The following RIN3 variants were observed in gnomAD, a reference collection of about 807,000 sequenced individuals.
RIN3 encodes Ras and Rab interactor 3.
Under a neutral mutation model 76.3 loss-of-function variants are expected in RIN3, and 54 were observed. The ratio of observed to expected loss-of-function variants is 0.71; its 90% CI spans 0.57 to 0.89. The LOEUF is 0.89. RIN3 is among the 40% of genes least tolerant of loss of function. The pLI, the probability that RIN3 is intolerant of heterozygous loss-of-function variation, is 0.00. For missense variants in RIN3, 1,256 were observed against 1,322.1 expected (o/e 0.95, Z 0.78); for synonymous variants, 576 against 564.0 (o/e 1.02, Z -0.30).
In RIN3 at chr14:92,531,562, G is replaced by A. The variant is rs185229042; in HGVS notation, c.44+17586G>A. The stretch of plus-strand genomic sequence containing the variant: ...TGGCAGGCGGCCCCTGTCAAGAAGC[G>A]TCAGGACTGTAGTCGGCCTGGGGTG... On this transcript the variant is annotated intron_variant, in intron 1 of 9. Transcript: ENST00000216487. Among the ~76,000 whole-genome samples, 75 of 152,348 alleles carry A rather than the reference G, an allele frequency of 4.9e-4. 1 individual carries two copies. The South Asian group carries it at 0.01, about 21-fold the overall frequency.
intron 1 of RIN3, among the ~76,000 whole-genome samples, chr14:92,525,129 G>A (rs947297518): frequency 1.3e-5 from 2 of 152,218 alleles, no homozygotes; most frequent in Admixed American, 6.5e-5. Flanking sequence ...GTCATGGTAG[G>A]TGTGTATGGG....
intron 4 of RIN3, chr14:92,615,753 G>A (rs552538113): frequency 2.2e-6 from 1 of 445,276 alleles, no homozygotes; most frequent in African/African-American, 2.0e-5. Flanking sequence ...TTCAAGGACA[G>A]CCTGGAGTCC....
intron 1 of RIN3, among the ~76,000 whole-genome samples, chr14:92,555,350 G>C (rs1897546832): frequency 6.6e-6 from 1 of 151,876 alleles, no homozygotes; most frequent in African/African-American, 2.4e-5. Context: ...TCAAGTCTTG[G>C]GTCTCACAGA....
chr14:92,530,443 G>T (rs192449062), intron 1 of RIN3, among the ~76,000 whole-genome samples: 1 of 152,338 alleles, frequency 6.6e-6, no homozygotes, highest in African/African-American at 2.4e-5. Context: ...CACTTTCACA[G>T]ATTTGACACT....
At chr14:92,608,019 G>T (rs191467980) in intron 3 of RIN3, among the ~76,000 whole-genome samples, 1 of 152,314 alleles carries the variant, frequency 6.6e-6, no homozygotes, top group East Asian at 1.9e-4. Flanking sequence ...TGATGGGGAG[G>T]GGGTAGATGT....
At chr14:92,659,606 G>A in intron 7 of RIN3, 137 bp downstream of exon 7, 3 of 765,976 alleles carry the variant, frequency 3.9e-6, no homozygotes, top group Non-Finnish European at 6.0e-6. Flanking sequence ...GAGGAACTGA[G>A]TGTGGGTGGG....
chr14:92,538,508 A>G (rs1245021323), intron 1 of RIN3, among the ~76,000 whole-genome samples: 2 of 152,170 alleles, frequency 1.3e-5, no homozygotes, highest in Admixed American at 1.3e-4. Flanking sequence ...TTTGGGGGAG[A>G]CCAGCATGTT....
chr14:92,662,724 C>T (rs1229020701), intron 7 of RIN3, among the ~76,000 whole-genome samples: 8 of 152,188 alleles, frequency 5.3e-5, no homozygotes, highest in Admixed American at 3.9e-4. Flanking sequence ...GACAGCTTTG[C>T]GCTGGAAGGG....
rs2140183384 is a variant in RIN3, at chr14:92,688,334, A to G, written c.*82A>G. The G allele has an allele frequency of 7.6e-7, 1 of 1,322,178 alleles. No individual in the cohort carries two copies. The highest frequency in any genetic ancestry group is 1.0e-6 in the Non-Finnish European group (1 of 991,118). 81.9% of individuals were successfully genotyped at this position (1,322,178 alleles called of 1,614,324 possible). On this transcript the variant is annotated 3_prime_UTR_variant, in exon 10 of 10. Transcript: ENST00000216487. ...CTGCGCACTCCCGACCGCGACGTCC[A>G]CGCAGCAGAGGGACATGGGCCATTC...
intron 4 of RIN3, among the ~76,000 whole-genome samples, chr14:92,638,368 G>A (rs1466066637): frequency 4.6e-5 from 7 of 152,196 alleles, no homozygotes; most frequent in Non-Finnish European, 8.8e-5. Context: ...TGTGGAGGGC[G>A]GATGTTGGGG....
intron 3 of RIN3, among the ~76,000 whole-genome samples, chr14:92,581,306 G>C (rs1041606532): frequency 2.0e-5 from 3 of 152,174 alleles, no homozygotes; most frequent in Non-Finnish European, 2.9e-5. Context: ...GTACAGACCT[G>C]TCTCTTACTA....
At chr14:92,607,371 T>C (rs1885563931) in intron 3 of RIN3, among the ~76,000 whole-genome samples, 1 of 152,248 alleles carries the variant, frequency 6.6e-6, no homozygotes, top group Non-Finnish European at 1.5e-5. Context: ...AGGCTGGACA[T>C]GGCAGCTCAT....
intron 2 of RIN3, among the ~76,000 whole-genome samples, chr14:92,569,445 G>A (rs1379635164): frequency 2.6e-5 from 4 of 152,144 alleles, no homozygotes; most frequent in Admixed American, 6.5e-5. Context: ...ACAAGAACAC[G>A]GAGGCTCAGA....
At chr14:92,547,473 C>T (rs1897317046) in intron 1 of RIN3, among the ~76,000 whole-genome samples, 1 of 149,764 alleles carries the variant, frequency 6.7e-6, no homozygotes, top group Admixed American at 6.7e-5. Flanking sequence ...CAGCTCACTG[C>T]AGCCTTAACC....
chr14:92,517,402 G>A (rs1896472050), intron 1 of RIN3, among the ~76,000 whole-genome samples: 1 of 152,154 alleles, frequency 6.6e-6, no homozygotes, highest in Non-Finnish European at 1.5e-5. Flanking sequence ...GCTGCCCACA[G>A]AACCCCATCC....
rs570175536 is a variant in RIN3 at position 92,648,636 on chromosome 14, G to A, written c.533-2946G>A. On this transcript the variant is annotated intron_variant, in intron 5 of 9. Transcript: ENST00000216487. This position sits in a 1 kb window ranked among gnomAD's most constrained non-coding sequence, Gnocchi z 4.1. ...GCCAAGGGGCTGACACTGGGCCCCT[G>A]CTCTGGGCCAAGCACTGTCTCAGGT... Among the ~76,000 whole-genome samples, 1 of 152,348 alleles carries A rather than the reference G, an allele frequency of 6.6e-6. No homozygotes were observed. Among genetic ancestry groups the A allele is most frequent in the East Asian group, 1.9e-4 (1 of 5,186 alleles).
rs1896367902 is a variant in RIN3 at position 92,514,010 on chromosome 14, G to T, written c.44+34G>T. The T allele has an allele frequency of 1.6e-6, 2 of 1,219,346 alleles. No individual in the cohort carries two copies. The highest frequency in any genetic ancestry group is 4.0e-5 in the South Asian group (1 of 25,128). 75.5% of individuals were successfully genotyped at this position (1,219,346 alleles called of 1,614,324 possible). On this transcript the variant is annotated intron_variant, in intron 1 of 9. Transcript: ENST00000216487. The surrounding 1 kb of genome is among the most constrained non-coding windows in gnomAD (Gnocchi z 7.2). ...GGGCGGCCGCCCCCTCCTCCCTCGC[G>T]ATCCCCACGGCCCGCGTCCTGGCCG...
intron 3 of RIN3, among the ~76,000 whole-genome samples, chr14:92,601,579 A>C (rs191602857): frequency 0.04 from 5,981 of 151,280 alleles, 329 homozygotes; most frequent in African/African-American, 0.13. Context: ...GGTGTTACCC[A>C]CCTCCCTTCT....
intron 1 of RIN3, among the ~76,000 whole-genome samples, chr14:92,532,821 G>C (rs1246632032): frequency 6.6e-6 from 1 of 152,206 alleles, no homozygotes; most frequent in Non-Finnish European, 1.5e-5. Context: ...TCCATCCCTG[G>C]GTAGGAGAAG....
Sources: allele counts gnomAD v4.1 joint callset (sites outside exome capture counted in the v4.1 genomes callset), GRCh38; gene constraint gnomAD v4.1.1; non-coding constraint Gnocchi (gnomAD v3.1); transcripts MANE v1.5; gene names NCBI Gene and HGNC (gene_info 2026-07-23, HGNC 2026-07-21).